The following ARAP2 variants were observed in gnomAD, a reference collection of about 807,000 sequenced individuals.
ARAP2 encodes ArfGAP with RhoGAP domain, ankyrin repeat and PH domain 2.
A neutral mutation model predicts 194.5 loss-of-function variants in ARAP2; 148 were observed. The observed-to-expected ratio is 0.76, with a 90% CI of 0.67 to 0.87. The LOEUF (loss-of-function observed/expected upper bound fraction) is 0.87, where lower values mean the gene tolerates loss of function less well. Among genes scored for constraint, ARAP2 ranks in the 40% least tolerant of loss-of-function variants. The pLI, the probability that ARAP2 is intolerant of heterozygous loss-of-function variation, is 0.00. For missense variants in ARAP2, 2,128 were observed against 1,989.7 expected, an observed-to-expected ratio of 1.07 and a Z score of -1.32; for synonymous variants, 695 against 683.5, an observed-to-expected ratio of 1.02 and a Z score of -0.26.
chr4:36,219,589 G>C (rs1748715209), intron 2 of ARAP2, among the ~76,000 whole-genome samples: 1 of 152,104 alleles, frequency 6.6e-6, no homozygotes, highest in Admixed American at 6.6e-5. Flanking sequence ...AATTGTTATA[G>C]TGGTCACATA....
intron 27 of ARAP2, among the ~76,000 whole-genome samples, chr4:36,103,458 TATAATA>T (rs1271684124): frequency 1.3e-5 from 2 of 151,164 alleles, no homozygotes; most frequent in African/African-American, 2.4e-5. Context: ...CAGTATAATA[TATAATA>T]ATAATAATAA....
At position 36,124,953 on chromosome 4, in the gene ARAP2, T is replaced by G; in HGVS notation, c.3655A>C (p.Lys1219Gln). 6.2e-7 allele frequency: 1 copy of G among 1,608,768 alleles called. No individual in the cohort carries two copies. The highest frequency in any genetic ancestry group is 8.5e-7 in the Non-Finnish European group (1 of 1,176,484). Reference sequence around the variant, plus strand: ...GCTCCATATTTTTTAATTCTTTCCTTGTCATCTTGCGTATCTGAAGGGGAA... The same window carrying G: ...GCTCCATATTTTTTAATTCTTTCCTGGTCATCTTGCGTATCTGAAGGGGAA... ...WISALDTQDD[K>Q]ERIKKYGAFI... is the part of the protein sequence containing the mutation. Residue 1219 changes from lysine (K) to glutamine (Q), a missense_variant, in exon 22 of 33, where the codon AAG becomes CAG. Transcript: ENST00000303965.
At chr4:36,136,445 A>C (rs1000201343) in intron 19 of ARAP2, among the ~76,000 whole-genome samples, 1 of 151,846 alleles carries the variant, frequency 6.6e-6, no homozygotes, top group Non-Finnish European at 1.5e-5. Context: ...TAGGACTAAC[A>C]AAAACAATTA....
At chr4:36,077,485 C>T (rs1728509639) in intron 31 of ARAP2, among the ~76,000 whole-genome samples, 1 of 152,048 alleles carries the variant, frequency 6.6e-6, no homozygotes, top group East Asian at 1.9e-4. Flanking sequence ...CCTAAATTTT[C>T]CTGGCATGTG....
intron 24 of ARAP2, among the ~76,000 whole-genome samples, chr4:36,118,806 T>G (rs1312096508): frequency 1.3e-5 from 2 of 151,348 alleles, no homozygotes; most frequent in African/African-American, 4.8e-5. Context: ...ATGGAGAAAA[T>G]AATTCATTAA....
At chr4:36,117,232 G>C in intron 24 of ARAP2, 97 bp from the exon 25 acceptor site, 1 of 814,728 alleles carries the variant, frequency 1.2e-6, no homozygotes. Context: ...TCATATTTCT[G>C]AATATTTTAT....
In ARAP2 at chr4:36,121,326, C is replaced by T. The variant is rs778503632; in HGVS notation, c.3747G>A (p.Arg1249=). Residue 1249 remains arginine, a splice_region_variant and synonymous_variant, in exon 23 of 33, where the codon AGG becomes AGA. Transcript: ENST00000303965. ...TLAAIIEHLY[R]VQKCSEINHM... ...GATTGATTTCTGAGCATTTCTGAACCCTGTCAGAGAAAAGCATAGTTTATT... is the reference window on the plus strand; with the variant it reads ...GATTGATTTCTGAGCATTTCTGAACTCTGTCAGAGAAAAGCATAGTTTATT... 6.3e-7 allele frequency: 1 copy of T among 1,580,520 alleles called. No individual in the cohort carries two copies. Among genetic ancestry groups the T allele is most frequent in the Non-Finnish European group, 8.6e-7 (1 of 1,163,092 alleles).
chr4:36,014,670 CTCTA>C (rs1407960179), intron 8 of ARAP2, among the ~76,000 whole-genome samples: 3 of 152,132 alleles, frequency 2.0e-5, no homozygotes, highest in Non-Finnish European at 4.4e-5. Flanking sequence ...ATACCTAATT[CTCTA>C]TCTGTTATAC....
At chr4:36,124,771 G>A (rs2271331) in intron 22 of ARAP2, 91 bp downstream of exon 22, 259,377 of 740,058 alleles carry the variant, frequency 0.35, 48,885 homozygotes, top group East Asian at 0.49. Context: ...GAGTTCTTAT[G>A]ATACGTAGAA....
intron 27 of ARAP2, among the ~76,000 whole-genome samples, chr4:36,096,703 A>G (rs1715424457): frequency 6.6e-6 from 1 of 152,174 alleles, no homozygotes. Context: ...CTTTTTAGGT[A>G]CTTCGTGACT....
intron 27 of ARAP2, among the ~76,000 whole-genome samples, chr4:36,105,189 G>A (rs899310236): frequency 6.6e-6 from 1 of 152,014 alleles, no homozygotes. Flanking sequence ...GCATTGTGAT[G>A]AGCACCTATA....
intron 2 of ARAP2, among the ~76,000 whole-genome samples, chr4:36,215,284 CCA>C (rs1747678878): frequency 6.6e-6 from 1 of 152,088 alleles, no homozygotes; most frequent in African/African-American, 2.4e-5. Flanking sequence ...ATATACAGTC[CCA>C]CACATCTTTG....
Position 36,100,330 on chromosome 4 carries a change from C to T in ARAP2, c.4285+7235G>A, listed in dbSNP as rs59569563. Among the ~76,000 whole-genome samples the T allele has an allele frequency of 3.3e-3, 505 of 152,114 alleles. 3 individuals carry two copies. The highest frequency in any genetic ancestry group is 0.011 in the African/African-American group (475 of 41,538). ...ATACACAACAAATTGATCTATTTTT[C>T]GTGGTCTGCATGTGTCTCTCTTCTT... On this transcript the variant is annotated intron_variant, in intron 27 of 32. Coordinates refer to ENST00000303965, the MANE Select transcript of ARAP2 (RefSeq NM_015230.4).
chr4:36,083,313 T>C lies in ARAP2; in HGVS notation c.4508+55A>G, dbSNP rs564687380. On this transcript the variant is annotated intron_variant, in intron 29 of 32. Transcript: ENST00000303965. ...TGCCACTGATCCCTAAATCCTTAAA[T>C]AGACATATTTTTCCCATAAGTTTTT... The C allele has an allele frequency of 3.2e-5, 40 of 1,265,964 alleles. 1 individual carries two copies. In the South Asian group the frequency reaches 4.4e-4, roughly 14 times the overall value. The allele number at this position is 1,265,964 out of a possible 1,614,324, so 78.4% of individuals were successfully genotyped here. A position where few individuals can be genotyped will look rare whatever the true frequency, so the allele number is the denominator to read the frequency against.
chr4:36,244,631 C>T (rs1227821823), upstream of ARAP2: 3 of 152,036 alleles, frequency 2.0e-5, no homozygotes, highest in Non-Finnish European at 4.4e-5. Context: ...TGACTCAGAC[C>T]GCCGCGACTT....
At chr4:36,135,113 T>C (rs1726364229) in intron 19 of ARAP2, among the ~76,000 whole-genome samples, 2 of 151,696 alleles carry the variant, frequency 1.3e-5, no homozygotes. Flanking sequence ...CATAAACTAA[T>C]TGTTGATGTA....
chr4:36,103,012 T>G (rs1313101848), intron 27 of ARAP2, among the ~76,000 whole-genome samples: 1 of 151,790 alleles, frequency 6.6e-6, no homozygotes, highest in East Asian at 1.9e-4. Flanking sequence ...GAAAACATGA[T>G]GGGGAGTGAA....
rs1723503296 is a variant in ARAP2, at chr4:36,124,864, A to G, written c.3744T>C (p.Tyr1248=). 3 of 1,597,334 alleles carry G rather than the reference A, an allele frequency of 1.9e-6. No individual in the cohort carries two copies. Among genetic ancestry groups the G allele is most frequent in the Non-Finnish European group, 2.6e-6 (3 of 1,166,682 alleles). Residue 1248 remains tyrosine (Y), a splice_region_variant and synonymous_variant, in exon 22 of 33, where the codon TAT becomes TAC. Coordinates refer to ENST00000303965, the MANE Select transcript of ARAP2 (RefSeq NM_015230.4). ...GAAAAGTTCATTCATCTACCCACCT[A>G]TACAGGTGTTCAATGATAGCTGCTA... ...ATLAAIIEHL[Y]RVQKCSEINH...
At chr4:36,044,867 TA>T (rs375282050) in intron 5 of ARAP2, among the ~76,000 whole-genome samples, 26 of 147,334 alleles carry the variant, frequency 1.8e-4, no homozygotes, top group East Asian at 3.9e-4. Context: ...ATAACCCTGC[TA>T]AAAAAAAAAT....
Sources: gnomAD v4.1 joint callset for allele counts (sites outside exome capture counted in the v4.1 genomes callset) on GRCh38, gnomAD v4.1.1 for gene constraint, MANE v1.5 for transcripts, NCBI Gene and HGNC (gene_info 2026-07-23, HGNC 2026-07-21) for gene names.